ATP11A: variants seen among roughly 807,000 people sequenced by gnomAD.
ATP11A encodes the protein ATPase phospholipid transporting 11A.
Under a neutral mutation model 154.4 loss-of-function variants are expected in ATP11A, and 81 were observed. That is an observed-to-expected ratio of 0.52 (90% CI 0.44 to 0.63). The LOEUF (loss-of-function observed/expected upper bound fraction) is 0.63, where lower values mean the gene tolerates loss of function less well. ATP11A is among the 30% of genes least tolerant of loss of function. The probability of loss-of-function intolerance (pLI) is 0.00; values close to 1 mark genes in which losing one functional copy is unlikely to be tolerated. For synonymous variants in ATP11A, 623 were observed against 585.9 expected (o/e 1.06, Z -0.91); for missense variants, 1,316 against 1,474.3 (o/e 0.89, Z 1.76).
intron 1 of ATP11A, among the ~76,000 whole-genome samples, chr13:112,738,805 C>T (rs900497228): frequency 1.3e-5 from 2 of 151,970 alleles, no homozygotes; most frequent in Admixed American, 1.3e-4. Flanking sequence ...GCTGTTTCTC[C>T]TGCCCCGCCC....
intron 1 of ATP11A, among the ~76,000 whole-genome samples, chr13:112,745,038 C>A (rs393104): frequency 6.6e-6 from 1 of 152,092 alleles, no homozygotes; most frequent in Non-Finnish European, 1.5e-5. Context: ...TTACTAGTTT[C>A]GAGATAAGTT....
At chr13:112,757,067 A>C (rs1470461216) in intron 1 of ATP11A, among the ~76,000 whole-genome samples, 1 of 152,272 alleles carries the variant, frequency 6.6e-6, no homozygotes, top group African/African-American at 2.4e-5. Context: ...TAGCATGCTA[A>C]GTGCTTTTTA....
At chr13:112,730,380 C>T (rs1305881830) in intron 1 of ATP11A, among the ~76,000 whole-genome samples, 4 of 152,224 alleles carry the variant, frequency 2.6e-5, no homozygotes, top group Non-Finnish European at 4.4e-5. Flanking sequence ...AAATTCCTGG[C>T]ATGGAACAGT....
intron 29 of ATP11A, among the ~76,000 whole-genome samples, chr13:112,879,943 C>T (rs2080836543): frequency 6.6e-6 from 1 of 152,248 alleles, no homozygotes; most frequent in African/African-American, 2.4e-5. Context: ...GTTCACTTCT[C>T]CGTCACTGTC....
intron 1 of ATP11A, among the ~76,000 whole-genome samples, chr13:112,745,141 T>C (rs1298782770): frequency 6.6e-6 from 1 of 152,258 alleles, no homozygotes; most frequent in African/African-American, 2.4e-5. Flanking sequence ...CTCGGCTCAC[T>C]GCAATCTCCG....
Position 112,848,532 on chromosome 13 carries a change from A to G in ATP11A, c.1810-2505A>G, listed in dbSNP as rs2079670745. On this transcript the variant is annotated intron_variant, in intron 17 of 29. Transcript: ENST00000375645. ...TAGAAAGGCATCCTTTCTAATGTGG[A>G]AACTTTCTTTTTCTCTTTATAGCCT... is the stretch of plus-strand genomic sequence containing the variant. Among the ~76,000 whole-genome samples the G allele has an allele frequency of 3.3e-5, 5 of 152,162 alleles. No individual in the cohort carries two copies. In the South Asian group the frequency reaches 1.0e-3, roughly 32 times the overall value.
At chr13:112,766,617 A>AGGGAAGGGGAAG (rs138058231) in intron 1 of ATP11A, among the ~76,000 whole-genome samples, 1 of 152,014 alleles carries the variant, frequency 6.6e-6, no homozygotes, top group Non-Finnish European at 1.5e-5. Context: ...TCTCCCTGTA[A>AGGGAAGGGGAAG]GGGAAGGGGA....
chr13:112,782,098 C>T (rs1466397281), intron 1 of ATP11A, among the ~76,000 whole-genome samples: 3 of 152,350 alleles, frequency 2.0e-5, no homozygotes, highest in African/African-American at 7.2e-5. Flanking sequence ...GGTTAAACGC[C>T]GCTACACTGT....
intron 1 of ATP11A, among the ~76,000 whole-genome samples, chr13:112,700,044 A>ATTTTTT (rs5806957): frequency 7.2e-6 from 1 of 139,860 alleles, no homozygotes. Context: ...GACAAAGGTA[A>ATTTTTT]TTTTTTTTTT....
At chr13:112,834,099 T>C (rs2079168684) in intron 14 of ATP11A, among the ~76,000 whole-genome samples, 1 of 152,176 alleles carries the variant, frequency 6.6e-6, no homozygotes, top group South Asian at 2.1e-4. Context: ...GAGGAGGCAT[T>C]GTATAGATGG....
chr13:112,776,806 A>G (rs943659969), intron 1 of ATP11A, among the ~76,000 whole-genome samples: 1 of 152,234 alleles, frequency 6.6e-6, no homozygotes, highest in Admixed American at 6.5e-5. Context: ...CATATTGGCC[A>G]GGCTGGTTTC....
chr13:112,741,157 G>A (rs537220748), intron 1 of ATP11A, among the ~76,000 whole-genome samples: 2 of 152,360 alleles, frequency 1.3e-5, no homozygotes, highest in East Asian at 3.9e-4. Context: ...CTGTGTCTGT[G>A]TTTCCACAGA....
chr13:112,830,442 G>T lies in ATP11A; in HGVS notation c.1222-933G>T, dbSNP rs1340080287. 2.0e-5 allele frequency among the ~76,000 whole-genome samples: 3 copies of T among 152,242 alleles called. No individual in the cohort carries two copies. The East Asian group carries it at 5.8e-4, about 29-fold the overall frequency. On this transcript the variant is annotated intron_variant, in intron 12 of 29. Transcript: ENST00000375645. ...AATACAAAAATTAGCCAGACGTGGTGGCAGGTGCCTGTAATCCCAGCTACT... is the reference window on the plus strand; with the variant it reads ...AATACAAAAATTAGCCAGACGTGGTTGCAGGTGCCTGTAATCCCAGCTACT...
intron 3 of ATP11A, among the ~76,000 whole-genome samples, chr13:112,805,672 CA>C (rs1220102979): frequency 3.5e-3 from 287 of 83,042 alleles, no homozygotes; most frequent in Middle Eastern, 8.8e-3. Flanking sequence ...GAGACTGTCT[CA>C]AAAAAAAAAA....
At chr13:112,866,720 C>T (rs2080346720) in intron 25 of ATP11A, among the ~76,000 whole-genome samples, 1 of 145,260 alleles carries the variant, frequency 6.9e-6, no homozygotes, top group South Asian at 2.2e-4. Flanking sequence ...GTCCCTCAGA[C>T]TGCTGGGTTC....
intron 6 of ATP11A, among the ~76,000 whole-genome samples, chr13:112,818,286 TGACAGGC>T (rs2078702571): frequency 6.8e-6 from 1 of 146,778 alleles, no homozygotes; most frequent in African/African-American, 2.6e-5. Context: ...GTGCGCTTGG[TGACAGGC>T]GATGACCGTT....
rs774038421 is a variant in ATP11A, at chr13:112,824,410, G to T, written c.857G>T (p.Arg286Leu). Residue 286 changes from arginine to leucine, a missense_variant, in exon 10 of 30, where the codon CGA becomes CTA. This residue lies in a region of ATP11A where 876 missense variants were observed against 1,006.8 expected (regional missense o/e 0.87). Transcript: ENST00000375645. The stretch of plus-strand genomic sequence containing the variant: ...AATTATCAATCAAAATCTCAGAAGC[G>T]ATCTGCCGTGGAAAAGTAAGGCTGG... ...ALNYQSKSQK[R>L]SAVEKSMNAF... is the part of the protein sequence containing the mutation. 2 of 1,614,116 alleles carry T rather than the reference G, an allele frequency of 1.2e-6. No homozygotes were observed. The highest frequency in any genetic ancestry group is 2.2e-5 in the South Asian group (2 of 91,078).
At chr13:112,787,076 T>A (rs1214149169) in intron 2 of ATP11A, among the ~76,000 whole-genome samples, 1 of 139,786 alleles carries the variant, frequency 7.2e-6, no homozygotes, top group Admixed American at 7.2e-5. Context: ...TCCTGATGCG[T>A]AGACCCCTGT....
At chr13:112,732,724 G>A (rs192462303) in intron 1 of ATP11A, among the ~76,000 whole-genome samples, 13 of 152,214 alleles carry the variant, frequency 8.5e-5, no homozygotes, top group Non-Finnish European at 7.4e-5. Flanking sequence ...CGATTCTTAC[G>A]CCTCATCCTC....
Sources: gnomAD v4.1 joint callset for allele counts (sites outside exome capture counted in the v4.1 genomes callset) on GRCh38, gnomAD v4.1.1 for gene constraint, gnomAD v4.1.1 regional missense constraint, MANE v1.5 for transcripts, NCBI Gene and HGNC (gene_info 2026-07-23, HGNC 2026-07-21) for gene names.